Variants in FUT8 observed in about 807,000 individuals in gnomAD.
FUT8 encodes fucosyltransferase 8.
A neutral mutation model predicts 71.3 loss-of-function variants in FUT8; 29 were observed. The observed-to-expected ratio is 0.41, with a 90% CI of 0.30 to 0.55. The LOEUF (loss-of-function observed/expected upper bound fraction) is 0.55, where lower values mean the gene tolerates loss of function less well. FUT8 is among the 20% of genes least tolerant of loss of function. FUT8 has a pLI of 0.34. For missense variants in FUT8, 544 were observed against 702.1 expected (o/e 0.77, Z 2.55); for synonymous variants, 254 against 239.3 (o/e 1.06, Z -0.57).
At chr14:65,647,261 T>G (rs1170355670) in intron 6 of FUT8, among the ~76,000 whole-genome samples, 1 of 152,170 alleles carries the variant, frequency 6.6e-6, no homozygotes, top group Non-Finnish European at 1.5e-5. Context: ...TTCTTCTTGT[T>G]CCTCTAGTAT....
intron 3 of FUT8, among the ~76,000 whole-genome samples, chr14:65,576,404 T>G (rs2140097058): frequency 6.6e-6 from 1 of 152,340 alleles, no homozygotes; most frequent in East Asian, 1.9e-4. Flanking sequence ...AAGTCTTGTC[T>G]TTTGTAGTCT....
Position 65,658,072 on chromosome 14 carries a change from C to T in FUT8, c.598-11171C>T, listed in dbSNP as rs1891774703. On this transcript the variant is annotated intron_variant, in intron 6 of 10. Coordinates refer to ENST00000673929, the MANE Select transcript of FUT8 (RefSeq NM_001371533.1). ...AAATCTTTGCAAATCACATGTCCAA[C>T]GAAGGCATGTATAGACAATGTATTA... Among the ~76,000 whole-genome samples the T allele has an allele frequency of 1.3e-5, 2 of 152,142 alleles. 1 individual carries two copies. The highest frequency in any genetic ancestry group is 6.8e-3 in the Middle Eastern group (2 of 294).
At chr14:65,654,811 C>T (rs1029780338) in intron 6 of FUT8, among the ~76,000 whole-genome samples, 4 of 151,584 alleles carry the variant, frequency 2.6e-5, no homozygotes, top group African/African-American at 9.7e-5. Flanking sequence ...TCAATAATTG[C>T]ATGAAATATA....
chr14:65,551,618 T>G (rs1412860900), intron 2 of FUT8, among the ~76,000 whole-genome samples: 1 of 152,210 alleles, frequency 6.6e-6, no homozygotes, highest in African/African-American at 2.4e-5. Context: ...TGAATAGGTT[T>G]ATGGCATAGA....
Position 65,742,480 on chromosome 14 carries a change from C to A in FUT8, c.*70C>A. 6 of 1,317,600 alleles carry A rather than the reference C, an allele frequency of 4.6e-6. No homozygotes were observed. Among genetic ancestry groups the A allele is most frequent in the Non-Finnish European group, 6.3e-6 (6 of 949,994 alleles). 81.6% of individuals were successfully genotyped at this position (1,317,600 alleles called of 1,614,324 possible). A position where few individuals can be genotyped will look rare whatever the true frequency, so the allele number is the denominator to read the frequency against. On this transcript the variant is annotated 3_prime_UTR_variant, in exon 11 of 11. Transcript: ENST00000673929. ...CTCAGTTCAAACCATTTCAGCCAAA[C>A]TGTAGATGAAGAGGGCTCTGATCTA...
At chr14:65,594,461 G>C (rs1887855290) in intron 3 of FUT8, among the ~76,000 whole-genome samples, 1 of 152,140 alleles carries the variant, frequency 6.6e-6, no homozygotes, top group African/African-American at 2.4e-5. Flanking sequence ...TAGCTCCATT[G>C]TCTGCAGACA....
At chr14:65,399,559 T>G in the FUT8 span, among the ~76,000 whole-genome samples, 1 of 152,218 alleles carries the variant, frequency 6.6e-6, no homozygotes, top group African/African-American at 2.4e-5. Flanking sequence ...ATCACAGGCA[T>G]AGTTACATGG....
In FUT8 at chr14:65,669,354, A is replaced by G; in HGVS notation, c.709A>G (p.Thr237Ala). 1 of 1,613,824 alleles carries G rather than the reference A, an allele frequency of 6.2e-7. No individual in the cohort carries two copies. Among genetic ancestry groups the G allele is most frequent in the South Asian group, 1.1e-5 (1 of 91,068 alleles). ...CTACTGCTTCATGATTGCATATGGCACCCAGCGAACACTCATCTTGGAATC... is the reference window on the plus strand; with the variant it reads ...CTACTGCTTCATGATTGCATATGGCGCCCAGCGAACACTCATCTTGGAATC... ...VVYCFMIAYG[T>A]QRTLILESQN... is the part of the protein sequence containing the mutation. The change falls in exon 7 of 11, where the codon ACC becomes GCC. Residue 237 changes from threonine to alanine, a missense_variant. By Grantham distance (58) the Thr-to-Ala change is moderately conservative (BLOSUM62 0). Coordinates refer to ENST00000673929, the MANE Select transcript of FUT8 (RefSeq NM_001371533.1). The surrounding 1 kb of genome is among the most constrained non-coding windows in gnomAD (Gnocchi z 4.5).
At chr14:65,656,822 G>T (rs1449642673) in intron 6 of FUT8, among the ~76,000 whole-genome samples, 1 of 152,092 alleles carries the variant, frequency 6.6e-6, no homozygotes, top group African/African-American at 2.4e-5. Flanking sequence ...TAGACCAATG[G>T]AACAGGTGGA....
intron 2 of FUT8, among the ~76,000 whole-genome samples, chr14:65,521,228 T>A (rs1883056667): frequency 6.6e-6 from 1 of 152,104 alleles, no homozygotes; most frequent in Non-Finnish European, 1.5e-5. Context: ...AAGAAGGGAA[T>A]TATAGAAAAA....
chr14:65,696,467 T>G (rs1015812405), intron 7 of FUT8, among the ~76,000 whole-genome samples: 1 of 152,196 alleles, frequency 6.6e-6, no homozygotes, highest in Non-Finnish European at 1.5e-5. Flanking sequence ...CAGCCCAGCG[T>G]TTTTCAAAAT....
At chr14:65,725,468 A>G (rs1421900965) in intron 9 of FUT8, among the ~76,000 whole-genome samples, 3 of 152,220 alleles carry the variant, frequency 2.0e-5, no homozygotes, top group Admixed American at 1.3e-4. Context: ...TTTATTTACT[A>G]TCAATAAATG....
chr14:65,418,442 T>A (rs2065249416), intron 1 of FUT8, among the ~76,000 whole-genome samples: 1 of 152,166 alleles, frequency 6.6e-6, no homozygotes, highest in Admixed American at 6.5e-5. Flanking sequence ...TTACAAACCA[T>A]CAAAACTATA....
chr14:65,683,834 T>A (rs866928165), intron 7 of FUT8, among the ~76,000 whole-genome samples: 12 of 152,032 alleles, frequency 7.9e-5, no homozygotes, highest in Admixed American at 2.0e-4. Context: ...GACATTTTTT[T>A]AAAATCTGAT....
At chr14:65,534,565 T>TG (rs1884168787) in intron 2 of FUT8, among the ~76,000 whole-genome samples, 1 of 149,984 alleles carries the variant, frequency 6.7e-6, no homozygotes, top group South Asian at 2.1e-4. Context: ...TTTTTTTTTT[T>TG]GGTTGGTAGG....
chr14:65,379,586 A>C, the FUT8 span, among the ~76,000 whole-genome samples: 1 of 152,082 alleles, frequency 6.6e-6, no homozygotes, highest in African/African-American at 2.4e-5. Flanking sequence ...CTTGGAGCTG[A>C]AATTGTAGTG....
chr14:65,469,121 A>G (rs1048047485), intron 2 of FUT8, among the ~76,000 whole-genome samples: 3 of 152,178 alleles, frequency 2.0e-5, no homozygotes, highest in African/African-American at 7.2e-5. Flanking sequence ...TCAAGGCTAC[A>G]GTGCGCTGTG....
intron 2 of FUT8, among the ~76,000 whole-genome samples, chr14:65,538,151 A>C (rs541977618): frequency 6.6e-6 from 1 of 152,122 alleles, no homozygotes; most frequent in Non-Finnish European, 1.5e-5. Flanking sequence ...TCCACTACAG[A>C]TGCTCCCACA....
At chr14:65,599,767 G>A (rs1466098114) in intron 3 of FUT8, among the ~76,000 whole-genome samples, 2 of 152,192 alleles carry the variant, frequency 1.3e-5, no homozygotes, top group Non-Finnish European at 1.5e-5. Context: ...ACTTACAGTA[G>A]TGTGAATTGG....
Sources: gnomAD v4.1 joint callset for allele counts (sites outside exome capture counted in the v4.1 genomes callset) on GRCh38, gnomAD v4.1.1 for gene constraint, Gnocchi (gnomAD v3.1) non-coding constraint, MANE v1.5 for transcripts, NCBI Gene and HGNC (gene_info 2026-07-23, HGNC 2026-07-21) for gene names.